Variants in TMEM17 observed in about 807,000 individuals in gnomAD.
TMEM17 encodes transmembrane protein 17.
A neutral mutation model predicts 19.1 loss-of-function variants in TMEM17; 15 were observed. The ratio of observed to expected loss-of-function variants is 0.78; its 90% CI spans 0.52 to 1.21. The LOEUF is 1.21. Ranked by LOEUF, TMEM17 falls within the 50% of genes most tolerant of loss-of-function variation. The probability of loss-of-function intolerance (pLI) is 0.00; values close to 1 mark genes in which losing one functional copy is unlikely to be tolerated. For missense variants in TMEM17, 245 were observed against 242.3 expected, an observed-to-expected ratio of 1.01 and a Z score of -0.07; for synonymous variants, 103 against 86.9, an observed-to-expected ratio of 1.19 and a Z score of -1.03.
chr2:62,456,703 T>G, the TMEM17 span, among the ~76,000 whole-genome samples: 1 of 152,238 alleles, frequency 6.6e-6, no homozygotes, highest in African/African-American at 2.4e-5. Context: ...CGGGGTTGGC[T>G]GGTCTTGAGG....
At chr2:62,459,216 G>C in the TMEM17 span, among the ~76,000 whole-genome samples, 1 of 152,360 alleles carries the variant, frequency 6.6e-6, no homozygotes, top group Admixed American at 6.5e-5. Flanking sequence ...CAGCATTTCT[G>C]TAGTTGAGGG....
the TMEM17 span, among the ~76,000 whole-genome samples, chr2:62,482,010 G>T: frequency 5.3e-5 from 8 of 152,146 alleles, no homozygotes; most frequent in African/African-American, 1.9e-4. Flanking sequence ...CACACATTTA[G>T]CCTGGAAGTT....
At chr2:62,505,386 A>G (rs1680038676) in intron 1 of TMEM17, among the ~76,000 whole-genome samples, 2 of 152,178 alleles carry the variant, frequency 1.3e-5, no homozygotes, top group Non-Finnish European at 2.9e-5. Flanking sequence ...AAGGCAGGGA[A>G]GGGGTGAGTT....
chr2:62,476,719 T>C, the TMEM17 span, among the ~76,000 whole-genome samples: 5 of 152,198 alleles, frequency 3.3e-5, no homozygotes, highest in Non-Finnish European at 5.9e-5. Flanking sequence ...GTGAGATGGT[T>C]TGGGGCCTGG....
At chr2:62,488,701 G>A in the TMEM17 span, among the ~76,000 whole-genome samples, 1 of 149,872 alleles carries the variant, frequency 6.7e-6, no homozygotes, top group East Asian at 2.0e-4. Flanking sequence ...AAGGAATAAA[G>A]AAACAAAAAT....
downstream of TMEM17, among the ~76,000 whole-genome samples, chr2:62,498,400 A>AAAG (rs1340754967): frequency 6.7e-6 from 1 of 149,394 alleles, no homozygotes; most frequent in Admixed American, 6.7e-5. Flanking sequence ...AAAAAAGAAA[A>AAAG]AAAAAACAGA....
At chr2:62,459,906 G>T in the TMEM17 span, among the ~76,000 whole-genome samples, 6 of 152,244 alleles carry the variant, frequency 3.9e-5, no homozygotes, top group South Asian at 1.2e-3. Context: ...CAAGTAGTTG[G>T]GACTGCAGGT....
chr2:62,467,478 A>G, the TMEM17 span, among the ~76,000 whole-genome samples: 1 of 152,220 alleles, frequency 6.6e-6, no homozygotes, highest in African/African-American at 2.4e-5. Context: ...TGTCTTTGTC[A>G]AAACACTTCT....
the TMEM17 span, among the ~76,000 whole-genome samples, chr2:62,477,257 C>T: frequency 1.2e-4 from 19 of 152,208 alleles, no homozygotes; most frequent in Middle Eastern, 0.01. Flanking sequence ...ATTAGCCTGG[C>T]GTAGTGGCAG....
the TMEM17 span, among the ~76,000 whole-genome samples, chr2:62,454,102 A>C: frequency 1.3e-5 from 2 of 152,228 alleles, no homozygotes; most frequent in African/African-American, 4.8e-5. Flanking sequence ...AGAGATGCAG[A>C]GCTAAATGGG....
chr2:62,467,017 G>T, the TMEM17 span, among the ~76,000 whole-genome samples: 1 of 152,022 alleles, frequency 6.6e-6, no homozygotes, highest in Non-Finnish European at 1.5e-5. Context: ...GTCTCGCTCT[G>T]TTGCCCAGGT....
chr2:62,500,594 T>G lies in TMEM17; in HGVS notation c.*615A>C, dbSNP rs1272352141. The G allele has an allele frequency of 6.6e-6, 1 of 151,352 alleles. No homozygotes were observed. Among genetic ancestry groups the G allele is most frequent in the Non-Finnish European group, 1.5e-5 (1 of 68,178 alleles). The allele number at this position is 151,352 out of a possible 1,614,324, so 9.4% of individuals were successfully genotyped here. ...CCAAGTAGCTGGGACTACAGGTGCC[T>G]GCAACCACGCCTAGCTAATTTTTTT... On this transcript the variant is annotated 3_prime_UTR_variant, in exon 4 of 4. Transcript: ENST00000335390.
chr2:62,502,195 T>C lies in TMEM17; in HGVS notation c.318+242A>G, dbSNP rs190794558. 3 of 287,616 alleles carry C rather than the reference T, an allele frequency of 1.0e-5. No homozygotes were observed. The Admixed American group carries it at 1.4e-4, about 13-fold the overall frequency. The allele number at this position is 287,616 out of a possible 1,614,324, so 17.8% of individuals were successfully genotyped here. A position where few individuals can be genotyped will look rare whatever the true frequency, so the allele number is the denominator to read the frequency against. On this transcript the variant is annotated intron_variant, in intron 3 of 3. Transcript: ENST00000335390. ...GTTTACTACATTCATATACTTTACA[T>C]AAATCATTTCACTTAATCACAACAA...
At chr2:62,483,142 TC>T in the TMEM17 span, among the ~76,000 whole-genome samples, 2 of 152,238 alleles carry the variant, frequency 1.3e-5, no homozygotes, top group Non-Finnish European at 2.9e-5. Flanking sequence ...TCCAGGGCTG[TC>T]TGATTCCAAA....
chr2:62,480,928 A>AT, the TMEM17 span, among the ~76,000 whole-genome samples: 52,990 of 151,310 alleles, frequency 0.35, 9,555 homozygotes, highest in South Asian at 0.49. Flanking sequence ...AAATTGTAAG[A>AT]TTTTTTTTTC....
chr2:62,474,475 T>C, the TMEM17 span, among the ~76,000 whole-genome samples: 1 of 152,328 alleles, frequency 6.6e-6, no homozygotes, highest in East Asian at 1.9e-4. Flanking sequence ...CTTCAGGCCA[T>C]GAAAGCACGG....
chr2:62,481,698 GGTGTGT>G, the TMEM17 span, among the ~76,000 whole-genome samples: 15,058 of 144,078 alleles, frequency 0.1, 818 homozygotes, highest in African/African-American at 0.12. Flanking sequence ...ACCCCTTAAA[GGTGTGT>G]GTGTGTGTGT....
At chr2:62,482,320 C>G in the TMEM17 span, among the ~76,000 whole-genome samples, 2 of 152,234 alleles carry the variant, frequency 1.3e-5, no homozygotes, top group African/African-American at 2.4e-5. Context: ...TAGCTACCAT[C>G]ATTTGAGCAG....
the TMEM17 span, among the ~76,000 whole-genome samples, chr2:62,471,204 G>A: frequency 7.9e-5 from 12 of 152,172 alleles, no homozygotes; most frequent in Admixed American, 7.9e-4. Context: ...AGGTAGGGAA[G>A]CTAAAATGTC....
Sources: gnomAD v4.1 joint callset for allele counts (sites outside exome capture counted in the v4.1 genomes callset) on GRCh38, gnomAD v4.1.1 for gene constraint, MANE v1.5 for transcripts, NCBI Gene and HGNC (gene_info 2026-07-23, HGNC 2026-07-21) for gene names.